Variants in PPM1A observed in about 807,000 individuals in gnomAD.
PPM1A encodes the protein protein phosphatase 1A.
Under a neutral mutation model 35.0 loss-of-function variants are expected in PPM1A, and 7 were observed. The ratio of observed to expected loss-of-function variants is 0.20; its 90% CI spans 0.11 to 0.38. The LOEUF is 0.38. PPM1A is among the 10% of genes least tolerant of loss of function. The pLI, the probability that PPM1A is intolerant of heterozygous loss-of-function variation, is 1.00. For synonymous variants in PPM1A, 153 were observed against 167.3 expected, an observed-to-expected ratio of 0.91 and a Z score of 0.66; for missense variants, 239 against 467.8, an observed-to-expected ratio of 0.51 and a Z score of 4.51.
chr14:60,248,328 C>A (rs1014266532), upstream of PPM1A, among the ~76,000 whole-genome samples: 2 of 152,218 alleles, frequency 1.3e-5, no homozygotes, highest in Admixed American at 6.5e-5. Flanking sequence ...CTTAACCTAC[C>A]TCATTGGAGG....
chr14:60,246,663 T>A (rs775632279), upstream of PPM1A, among the ~76,000 whole-genome samples: 1 of 152,122 alleles, frequency 6.6e-6, no homozygotes, highest in Non-Finnish European at 1.5e-5. Context: ...CCCCCCTTCT[T>A]AGCATAAGGT....
At chr14:60,281,707 T>A (rs1456169158) in intron 1 of PPM1A, among the ~76,000 whole-genome samples, 3 of 152,230 alleles carry the variant, frequency 2.0e-5, no homozygotes, top group African/African-American at 7.2e-5. Context: ...TCTAACCAGC[T>A]GTCTCTTTGC....
At chr14:60,290,364 T>G (rs754099113) in intron 4 of PPM1A, among the ~76,000 whole-genome samples, 1 of 152,100 alleles carries the variant, frequency 6.6e-6, no homozygotes, top group African/African-American at 2.4e-5. Context: ...TATTTTTGGT[T>G]GTTGATTGCT....
rs75537150 is a variant in PPM1A at position 60,251,204 on chromosome 14, C to T, written c.-21+1527C>T. Among the ~76,000 whole-genome samples the T allele has an allele frequency of 1.2e-3, 189 of 152,336 alleles. 2 individuals are homozygous for T. The East Asian group carries it at 0.023, about 18-fold the overall frequency. On this transcript the variant is annotated intron_variant, in intron 1 of 5. Coordinates refer to ENST00000395076, the MANE Select transcript of PPM1A (RefSeq NM_021003.5). ...ACATTATTGAAACTATAATGAACTTCCTGCACATGGCAGTTGCCTAAGACA... is the reference window on the plus strand; with the variant it reads ...ACATTATTGAAACTATAATGAACTTTCTGCACATGGCAGTTGCCTAAGACA...
intron 3 of PPM1A, chr14:60,287,371 G>C: frequency 1.0e-6 from 1 of 980,756 alleles, no homozygotes; most frequent in African/African-American, 1.7e-5. Flanking sequence ...ATTGGAGATT[G>C]TCATAAATTA....
intron 1 of PPM1A, among the ~76,000 whole-genome samples, chr14:60,252,738 C>G (rs1331890076): frequency 6.6e-6 from 1 of 152,156 alleles, no homozygotes; most frequent in African/African-American, 2.4e-5. Flanking sequence ...TAACCTATAT[C>G]AAAATCAAAA....
At position 60,249,815 on chromosome 14, in the gene PPM1A, C is replaced by A; in HGVS notation, c.-21+138C>A. On this transcript the variant is annotated intron_variant, in intron 1 of 5. Transcript: ENST00000395076. The surrounding 1 kb of genome is among the most constrained non-coding windows in gnomAD (Gnocchi z 4.5). ...CCCGGGAGGAGACGCGACAACTCCA[C>A]CCCCTGGCCGGCCTCCTCCCCCGAG... is the stretch of plus-strand genomic sequence containing the variant. 2 of 377,094 alleles carry A rather than the reference C, an allele frequency of 5.3e-6. No homozygotes were observed. Among genetic ancestry groups the A allele is most frequent in the Non-Finnish European group, 7.3e-6 (2 of 273,710 alleles). 23.4% of individuals were successfully genotyped at this position (377,094 alleles called of 1,614,324 possible). A position where few individuals can be genotyped will look rare whatever the true frequency, so the allele number is the denominator to read the frequency against.
chr14:60,269,105 C>CA (rs2139432554), intron 1 of PPM1A, among the ~76,000 whole-genome samples: 1 of 152,140 alleles, frequency 6.6e-6, no homozygotes, highest in Admixed American at 6.5e-5. Context: ...ACATCTTTTA[C>CA]CAATTTAAAA....
At chr14:60,285,460 GCA>G (rs547581603) in intron 2 of PPM1A, among the ~76,000 whole-genome samples, 162 bp from the exon 3 acceptor site, 3 of 124,708 alleles carry the variant, frequency 2.4e-5, no homozygotes, top group Non-Finnish European at 4.7e-5. Context: ...GGGAGTCATT[GCA>G]CACACACACG....
chr14:60,275,574 A>AT (rs1183200090), intron 1 of PPM1A, among the ~76,000 whole-genome samples: 1 of 152,126 alleles, frequency 6.6e-6, no homozygotes, highest in African/African-American at 2.4e-5. Flanking sequence ...GCAGCTTCAA[A>AT]TTCGTGGGCC....
intron 1 of PPM1A, among the ~76,000 whole-genome samples, chr14:60,264,307 G>A (rs73315786): frequency 6.6e-4 from 101 of 151,950 alleles, no homozygotes; most frequent in African/African-American, 2.4e-3. Context: ...CTGCCTAATT[G>A]TTATGCTTCT....
chr14:60,291,394 TAGGAG>T lies in PPM1A; in HGVS notation c.1062-2_1064del. Reference sequence around the variant, plus strand: ...TTAATTTTCTGCATTTTTTTACACTTAGGAGGAATGTTATTGAAGCCGTTTACAAT... The same window carrying T: ...TTAATTTTCTGCATTTTTTTACACTTGAATGTTATTGAAGCCGTTTACAAT... On this transcript the variant is annotated splice_acceptor_variant and coding_sequence_variant, in exon 5 of 6. Transcript: ENST00000395076. LOFTEE classifies it high-confidence loss of function. The T allele has an allele frequency of 6.4e-7, 1 of 1,552,404 alleles. No individual in the cohort carries two copies. The highest frequency in any genetic ancestry group is 8.8e-7 in the Non-Finnish European group (1 of 1,142,780).
chr14:60,280,459 G>A (rs570865813), intron 1 of PPM1A, among the ~76,000 whole-genome samples: 3 of 152,326 alleles, frequency 2.0e-5, no homozygotes, highest in African/African-American at 7.2e-5. Context: ...TGGTGAATTC[G>A]TAGAGGAAGG....
At chr14:60,272,014 C>G (rs1885190680) in intron 1 of PPM1A, among the ~76,000 whole-genome samples, 3 of 150,062 alleles carry the variant, frequency 2.0e-5, no homozygotes, top group Admixed American at 1.3e-4. Flanking sequence ...TAATTTTTAA[C>G]TTTAATCTTG....
Position 60,292,779 on chromosome 14 carries a change from G to A in PPM1A, c.*297G>A, listed in dbSNP as rs1441164795. 3.7e-6 allele frequency: 1 copy of A among 272,126 alleles called. No homozygotes were observed. Among genetic ancestry groups the A allele is most frequent in the Non-Finnish European group, 6.9e-6 (1 of 145,622 alleles). The allele number at this position is 272,126 out of a possible 1,614,324, so 16.9% of individuals were successfully genotyped here. ...TTTTTTGTAAAGTGTAATTGTCCTT[G>A]TACAAAATGCTCATATTTAATTATG... On this transcript the variant is annotated 3_prime_UTR_variant, in exon 6 of 6. Transcript: ENST00000395076. The surrounding 1 kb of genome is among the most constrained non-coding windows in gnomAD (Gnocchi z 4.2).
At chr14:60,270,767 A>T (rs1477066172) in intron 1 of PPM1A, among the ~76,000 whole-genome samples, 1 of 151,992 alleles carries the variant, frequency 6.6e-6, no homozygotes, top group Non-Finnish European at 1.5e-5. Flanking sequence ...TTTGAGAGAA[A>T]TGATAGGGAT....
At chr14:60,261,699 G>A (rs1004388114) in intron 1 of PPM1A, among the ~76,000 whole-genome samples, 5 of 152,180 alleles carry the variant, frequency 3.3e-5, no homozygotes, top group African/African-American at 1.2e-4. Context: ...TCAGTGGGCT[G>A]TTTAGTTCAC....
intron 1 of PPM1A, among the ~76,000 whole-genome samples, chr14:60,253,488 G>T (rs1882685073): frequency 6.6e-6 from 1 of 152,096 alleles, no homozygotes; most frequent in Non-Finnish European, 1.5e-5. Flanking sequence ...TTACTGAGTG[G>T]ATTTTTCCCA....
chr14:60,272,887 T>C (rs1163811242), intron 1 of PPM1A, among the ~76,000 whole-genome samples: 2 of 152,098 alleles, frequency 1.3e-5, no homozygotes, highest in Admixed American at 6.5e-5. Context: ...AATTTGATAC[T>C]CTTTCCTTTT....
Sources: allele counts gnomAD v4.1 joint callset (sites outside exome capture counted in the v4.1 genomes callset), GRCh38; gene constraint gnomAD v4.1.1; non-coding constraint Gnocchi (gnomAD v3.1); transcripts MANE v1.5; gene names NCBI Gene and HGNC (gene_info 2026-07-23, HGNC 2026-07-21).